Variants in SLC9A9 observed in about 807,000 individuals in gnomAD.
SLC9A9 encodes solute carrier family 9 member A9.
SLC9A9 carries 62 observed loss-of-function variants against 77.8 expected under a neutral mutation model. That is an observed-to-expected ratio of 0.80 (90% CI 0.65 to 0.98). The LOEUF (loss-of-function observed/expected upper bound fraction) is 0.98, where lower values mean the gene tolerates loss of function less well. Ranked by LOEUF, SLC9A9 falls within the 50% of genes least tolerant of loss-of-function variation. The pLI, the probability that SLC9A9 is intolerant of heterozygous loss-of-function variation, is 0.00. For missense variants in SLC9A9, 775 were observed against 774.9 expected, an observed-to-expected ratio of 1.00 and a Z score of 0.00; for synonymous variants, 320 against 283.5, an observed-to-expected ratio of 1.13 and a Z score of -1.29.
chr3:143,690,866 T>A (rs1933441893), intron 5 of SLC9A9, among the ~76,000 whole-genome samples: 1 of 152,106 alleles, frequency 6.6e-6, no homozygotes, highest in Non-Finnish European at 1.5e-5. Flanking sequence ...ACTACTTCAT[T>A]AAGGAGAGTA....
intron 6 of SLC9A9, among the ~76,000 whole-genome samples, chr3:143,644,524 C>T (rs1451885877): frequency 1.3e-5 from 2 of 152,104 alleles, no homozygotes; most frequent in African/African-American, 2.4e-5. Flanking sequence ...AGTCAGGAAC[C>T]AGGGAACAGG....
chr3:143,527,600 T>C (rs2036426958), intron 9 of SLC9A9, among the ~76,000 whole-genome samples: 1 of 152,250 alleles, frequency 6.6e-6, no homozygotes, highest in African/African-American at 2.4e-5. Flanking sequence ...TTTATCTTTC[T>C]AAAACACAGA....
intron 5 of SLC9A9, among the ~76,000 whole-genome samples, chr3:143,679,472 C>A (rs1474667706): frequency 6.6e-6 from 1 of 152,142 alleles, no homozygotes; most frequent in African/African-American, 2.4e-5. Context: ...TATTTTAGAC[C>A]AGACAATTAC....
At chr3:143,783,314 C>T (rs150797201) in intron 4 of SLC9A9, among the ~76,000 whole-genome samples, 1 of 152,136 alleles carries the variant, frequency 6.6e-6, no homozygotes, top group Non-Finnish European at 1.5e-5. Context: ...ACAGGCAACA[C>T]TGAGGCTCTA....
At chr3:143,714,626 T>C (rs909514016) in intron 4 of SLC9A9, among the ~76,000 whole-genome samples, 1 of 152,180 alleles carries the variant, frequency 6.6e-6, no homozygotes, top group Non-Finnish European at 1.5e-5. Context: ...TACTAGTACG[T>C]CAAACGCCAA....
chr3:143,341,192 A>C (rs898765422), intron 14 of SLC9A9, among the ~76,000 whole-genome samples: 3 of 152,050 alleles, frequency 2.0e-5, no homozygotes, highest in African/African-American at 7.2e-5. Flanking sequence ...TTTCTTTAGG[A>C]TCTTTTTCAC....
At chr3:143,723,754 A>T (rs1004260296) in intron 4 of SLC9A9, among the ~76,000 whole-genome samples, 1 of 152,188 alleles carries the variant, frequency 6.6e-6, no homozygotes, top group African/African-American at 2.4e-5. Context: ...GTCCTCTGAC[A>T]TCTTAGCACT....
chr3:143,661,394 T>C (rs6440181), intron 5 of SLC9A9, among the ~76,000 whole-genome samples: 22,203 of 152,098 alleles, frequency 0.15, 2,359 homozygotes, highest in African/African-American at 0.31. Flanking sequence ...ATGCTGTCTG[T>C]GAGGACACAG....
intron 8 of SLC9A9, among the ~76,000 whole-genome samples, chr3:143,569,367 A>G (rs1248708486): frequency 6.6e-6 from 1 of 151,886 alleles, no homozygotes; most frequent in Non-Finnish European, 1.5e-5. Context: ...ATACACATAC[A>G]TGTATGTGCA....
intron 6 of SLC9A9, among the ~76,000 whole-genome samples, chr3:143,592,433 C>A (rs60777877): frequency 0.13 from 18,974 of 147,596 alleles, 2,421 homozygotes; most frequent in African/African-American, 0.34. Flanking sequence ...GGAAGAAAAC[C>A]TGTGCCCTGG....
At chr3:143,691,229 T>A (rs2108781010) in intron 5 of SLC9A9, among the ~76,000 whole-genome samples, 1 of 152,156 alleles carries the variant, frequency 6.6e-6, no homozygotes, top group Non-Finnish European at 1.5e-5. Context: ...AAGGCTATTT[T>A]TTTAATTTTT....
intron 13 of SLC9A9, among the ~76,000 whole-genome samples, chr3:143,377,254 C>A (rs1200196411): frequency 6.6e-6 from 1 of 152,178 alleles, no homozygotes; most frequent in African/African-American, 2.4e-5. Flanking sequence ...TATTATTCAC[C>A]CATGGCCTCT....
chr3:143,806,832 T>A (rs1437614788), intron 2 of SLC9A9, among the ~76,000 whole-genome samples: 1 of 152,064 alleles, frequency 6.6e-6, no homozygotes, highest in Non-Finnish European at 1.5e-5. Flanking sequence ...GTATGTATAG[T>A]CAACAATAAC....
chr3:143,348,272 G>A (rs1412748995), intron 14 of SLC9A9, among the ~76,000 whole-genome samples: 1 of 152,252 alleles, frequency 6.6e-6, no homozygotes, highest in Non-Finnish European at 1.5e-5. Flanking sequence ...TGGGATTACA[G>A]GCGTGAGCCA....
intron 8 of SLC9A9, among the ~76,000 whole-genome samples, chr3:143,567,456 C>T (rs1470407426): frequency 1.3e-5 from 2 of 152,112 alleles, no homozygotes; most frequent in Non-Finnish European, 2.9e-5. Flanking sequence ...TTCTCACTTG[C>T]ATTTTATATT....
In SLC9A9 at chr3:143,555,545, A is replaced by C. The variant is rs185344917; in HGVS notation, c.1001-3095T>G. ...ACACTAAAGTAATTTACTCAAGGTC[A>C]CCTCTAAAGTGACAGAGCTGAGATC... On this transcript the variant is annotated intron_variant, in intron 8 of 15. Coordinates refer to ENST00000316549, the MANE Select transcript of SLC9A9 (RefSeq NM_173653.4). Among the ~76,000 whole-genome samples, 21 of 152,322 alleles carry C rather than the reference A, an allele frequency of 1.4e-4. No individual in the cohort carries two copies. The East Asian group carries it at 3.1e-3, about 22-fold the overall frequency.
At chr3:143,315,223 T>C (rs2031165347) in intron 14 of SLC9A9, among the ~76,000 whole-genome samples, 1 of 152,184 alleles carries the variant, frequency 6.6e-6, no homozygotes, top group South Asian at 2.1e-4. Context: ...TTGTAGTATA[T>C]CTTCTGGTCA....
intron 1 of SLC9A9, 90 bp from the exon 2 acceptor site, chr3:143,832,311 T>A: frequency 8.6e-7 from 1 of 1,157,958 alleles, no homozygotes; most frequent in Non-Finnish European, 1.2e-6. Context: ...CCTTCAGAAG[T>A]GACAGGATAA....
chr3:143,558,919 T>TA (rs1394263617), intron 8 of SLC9A9, among the ~76,000 whole-genome samples: 1 of 152,174 alleles, frequency 6.6e-6, no homozygotes, highest in African/African-American at 2.4e-5. Context: ...TCTTGACTTA[T>TA]AGTTCCCATA....
Sources: allele counts gnomAD v4.1 joint callset (sites outside exome capture counted in the v4.1 genomes callset), GRCh38; gene constraint gnomAD v4.1.1; transcripts MANE v1.5; gene names NCBI Gene and HGNC (gene_info 2026-07-23, HGNC 2026-07-21).